Variants in LECT2 observed in about 807,000 individuals in gnomAD.
LECT2 encodes the protein leukocyte cell-derived chemotaxin-2.
A neutral mutation model predicts 16.6 loss-of-function variants in LECT2; 11 were observed. The ratio of observed to expected loss-of-function variants is 0.66; its 90% CI spans 0.42 to 1.09. The LOEUF is 1.09. LECT2 is among the 50% of genes least tolerant of loss of function. The pLI, the probability that LECT2 is intolerant of heterozygous loss-of-function variation, is 0.00. For synonymous variants in LECT2, 54 were observed against 64.8 expected (o/e 0.83, Z 0.80); for missense variants, 173 against 184.2 (o/e 0.94, Z 0.35).
At chr5:135,950,906 G>A (rs1490301026) in intron 3 of LECT2, 2 of 387,920 alleles carry the variant, frequency 5.2e-6, no homozygotes, top group East Asian at 3.8e-5. Flanking sequence ...CCTTGAAAGT[G>A]CCTCAGCTGG....
Position 135,947,510 on chromosome 5 carries a change from A to T in LECT2, c.290-13T>A. 6.3e-7 allele frequency: 1 copy of T among 1,579,450 alleles called. No individual in the cohort carries two copies. Among genetic ancestry groups the T allele is most frequent in the Middle Eastern group, 1.7e-4 (1 of 5,928 alleles). On this transcript the variant is annotated splice_polypyrimidine_tract_variant and intron_variant, in intron 3 of 3. Transcript: ENST00000274507. ...TTGACACAAAAACCTAAAAGAAAAT[A>T]AGTATAATTATTTATCTGGGCTTCA...
At chr5:135,953,806 G>A (rs182957717) in intron 1 of LECT2, among the ~76,000 whole-genome samples, 1 of 152,226 alleles carries the variant, frequency 6.6e-6, no homozygotes, top group Non-Finnish European at 1.5e-5. Context: ...CAACATGGAA[G>A]AGGGAGATTC....
intron 1 of LECT2, chr5:135,953,222 G>A (rs1387339179): frequency 5.4e-6 from 2 of 372,510 alleles, no homozygotes; most frequent in Non-Finnish European, 9.9e-6. Context: ...TTTTTTTTTG[G>A]ATCGGAGTCT....
At position 135,947,586 on chromosome 5, in the gene LECT2, AAAAG is replaced by A. The variant is rs1374037627; in HGVS notation, c.290-93_290-90del. 5 of 1,340,870 alleles carry A rather than the reference AAAAG, an allele frequency of 3.7e-6. No individual in the cohort carries two copies. The African/African-American group carries it at 7.3e-5, about 20-fold the overall frequency. 83.1% of individuals were successfully genotyped at this position (1,340,870 alleles called of 1,614,324 possible). A position where few individuals can be genotyped will look rare whatever the true frequency, so the allele number is the denominator to read the frequency against. Reference sequence around the variant, plus strand: ...AATAACAAATGGACAAAAAATAAAAAAAAGAATGTTGAATGAACTCAGGAGAGGA... The same window carrying A: ...AATAACAAATGGACAAAAAATAAAAAAATGTTGAATGAACTCAGGAGAGGA... On this transcript the variant is annotated intron_variant, in intron 3 of 3. Transcript: ENST00000274507.
At chr5:135,953,335 G>C (rs1445402000) in intron 1 of LECT2, among the ~76,000 whole-genome samples, 2 of 152,092 alleles carry the variant, frequency 1.3e-5, no homozygotes, top group East Asian at 3.9e-4. Flanking sequence ...CTGAGTAGCT[G>C]GGACTACAGG....
At chr5:135,947,995 G>T (rs1768594509) in intron 3 of LECT2, among the ~76,000 whole-genome samples, 1 of 152,210 alleles carries the variant, frequency 6.6e-6, no homozygotes, top group African/African-American at 2.4e-5. Flanking sequence ...CCTATTAAAA[G>T]ATGTCCCATT....
chr5:135,954,637 A>G (rs1317692292), intron 1 of LECT2, 151 bp downstream of exon 1: 1 of 627,174 alleles, frequency 1.6e-6, no homozygotes, highest in Non-Finnish European at 2.9e-6. Context: ...CATCCTCAGG[A>G]CCATGTGTCA....
intron 1 of LECT2, 123 bp from the exon 2 acceptor site, chr5:135,953,090 A>G: frequency 3.1e-6 from 2 of 635,886 alleles, no homozygotes; most frequent in Non-Finnish European, 2.8e-6. Context: ...CCTGGACTTT[A>G]TGTATTTATG....
At chr5:135,947,550 G>A in intron 3 of LECT2, 53 bp from the exon 4 acceptor site, 3 of 1,411,132 alleles carry the variant, frequency 2.1e-6, no homozygotes, top group Non-Finnish European at 9.4e-7. Context: ...TCTTGAATCT[G>A]AAATTAAAAA....
chr5:135,952,796 C>T, intron 2 of LECT2, 75 bp downstream of exon 2: 1 of 1,033,110 alleles, frequency 9.7e-7, no homozygotes, highest in South Asian at 1.3e-5. Context: ...CTTGAGGCAA[C>T]CAACGTTGGG....
Position 135,947,360 on chromosome 5 carries a change from C to T in LECT2, c.427G>A (p.Asp143Asn), listed in dbSNP as rs1320150449. Reference protein sequence around the residue: ...IQSHVHIENCDSSDPTAYL With the variant: ...IQSHVHIENCNSSDPTAYL ...AGGTATGCAGTAGGGTCACTCGAGT[C>T]ACAGTTTTCAATGTGCACATGCGAT... The change falls in exon 4 of 4, where the codon GAC becomes AAC. Residue 143 changes from aspartate (D) to asparagine (N), a missense_variant. Physicochemically the swap from Asp to Asn is conservative, Grantham distance 23. Transcript: ENST00000274507. 1 of 1,613,936 alleles carries T rather than the reference C, an allele frequency of 6.2e-7. No individual in the cohort carries two copies. The highest frequency in any genetic ancestry group is 1.7e-5 in the Admixed American group (1 of 60,022).
At chr5:135,951,402 A>G (rs1289035719) in intron 2 of LECT2, 34 bp from the exon 3 acceptor site, 3 of 1,602,152 alleles carry the variant, frequency 1.9e-6, no homozygotes, top group Non-Finnish European at 2.6e-6. Flanking sequence ...AGACTGAGGA[A>G]CTGCCTTAGG....
At chr5:135,949,366 T>C (rs1403904693) in intron 3 of LECT2, among the ~76,000 whole-genome samples, 2 of 152,332 alleles carry the variant, frequency 1.3e-5, no homozygotes, top group Admixed American at 6.5e-5. Flanking sequence ...ATTCCAATTA[T>C]GCATTCTGGA....
At position 135,949,716 on chromosome 5, in the gene LECT2, T is replaced by C. The variant is rs190516168; in HGVS notation, c.289+1507A>G. On this transcript the variant is annotated intron_variant, in intron 3 of 3. Transcript: ENST00000274507. ...AGCCTCCCTTTTGTTCAAGAGGCTC[T>C]GGGACTGTGAACCAATTCAAGCCTG... Among the ~76,000 whole-genome samples, 112 of 152,362 alleles carry C rather than the reference T, an allele frequency of 7.4e-4. 2 individuals carry two copies. In the East Asian group the frequency reaches 0.018, roughly 24 times the overall value.
intron 1 of LECT2, chr5:135,953,247 G>A: frequency 3.1e-6 from 1 of 324,736 alleles, no homozygotes; most frequent in Non-Finnish European, 5.8e-6. Context: ...CTGTTGCCAA[G>A]CTGGAGCACA....
At position 135,952,974 on chromosome 5, in the gene LECT2, A is replaced by G; in HGVS notation, c.47-7T>C. The G allele has an allele frequency of 6.2e-7, 1 of 1,604,856 alleles. No homozygotes were observed. The highest frequency in any genetic ancestry group is 8.5e-7 in the Non-Finnish European group (1 of 1,171,490). ...GCCCATGGCCCTGCCAGTGCTAAAA[A>G]GGAGAAAAGTGAGAGCAGAGCTCCT... On this transcript the variant is annotated splice_polypyrimidine_tract_variant and splice_region_variant and intron_variant, in intron 1 of 3. Coordinates refer to ENST00000274507, the MANE Select transcript of LECT2 (RefSeq NM_002302.3).
intron 2 of LECT2, among the ~76,000 whole-genome samples, chr5:135,951,916 G>T (rs1489425823): frequency 2.0e-5 from 3 of 152,164 alleles, no homozygotes; most frequent in South Asian, 2.1e-4. Context: ...ATTGTGACGT[G>T]CCTTGAGTTC....
intron 2 of LECT2, among the ~76,000 whole-genome samples, chr5:135,952,340 G>A (rs549851811): frequency 1.1e-4 from 16 of 152,276 alleles, no homozygotes; most frequent in African/African-American, 3.4e-4. Flanking sequence ...AAATTCACAA[G>A]TGTGACCCTC....
chr5:135,947,988 A>G (rs1386563732), intron 3 of LECT2, among the ~76,000 whole-genome samples: 1 of 152,226 alleles, frequency 6.6e-6, no homozygotes, highest in African/African-American at 2.4e-5. Context: ...TATCTTGCCT[A>G]TTAAAAGATG....
Sources: allele counts gnomAD v4.1 joint callset (sites outside exome capture counted in the v4.1 genomes callset), GRCh38; gene constraint gnomAD v4.1.1; transcripts MANE v1.5; gene names NCBI Gene and HGNC (gene_info 2026-07-23, HGNC 2026-07-21).